The following HDAC4 variants were observed in gnomAD, a reference collection of about 807,000 sequenced individuals.
The protein encoded by HDAC4 is histone deacetylase A.
A neutral mutation model predicts 135.1 loss-of-function variants in HDAC4; 16 were observed. The ratio of observed to expected loss-of-function variants is 0.12; its 90% confidence interval spans 0.08 to 0.18. The LOEUF (loss-of-function observed/expected upper bound fraction) is 0.18. Among genes scored for constraint, HDAC4 ranks in the 10% least tolerant of loss-of-function variants. The pLI is 1.00. For missense variants in HDAC4, 1,143 were observed against 1,511.8 expected (o/e 0.76, Z 4.05); for synonymous variants, 685 against 653.4 (o/e 1.05, Z -0.74).
Position 239,292,205 on chromosome 2 carries a change from A to G in HDAC4, c.23-55541T>C, listed in dbSNP as rs6743546. Reference sequence around the variant, plus strand: ...CGGTGTTTTGTCAGTGTGGCTGGGGACTCCCAGCCGGGCAGGTGCTGCAAT... The same window carrying G: ...CGGTGTTTTGTCAGTGTGGCTGGGGGCTCCCAGCCGGGCAGGTGCTGCAAT... On this transcript the variant is annotated intron_variant, in intron 2 of 26. Transcript: ENST00000543185. Among the ~76,000 whole-genome samples, 209 of 152,138 alleles carry G rather than the reference A, an allele frequency of 1.4e-3. 1 individual carries two copies. The highest frequency in any genetic ancestry group is 4.8e-3 in the African/African-American group (198 of 41,512).
At chr2:239,160,980 A>C (rs2042755687) in intron 6 of HDAC4, among the ~76,000 whole-genome samples, 1 of 152,346 alleles carries the variant, frequency 6.6e-6, no homozygotes, top group African/African-American at 2.4e-5. Context: ...CACTCCGGCC[A>C]TCCCCACAGG....
In HDAC4 at chr2:239,366,138, C is replaced by T. The variant is rs559152093; in HGVS notation, c.-219-13220G>A. Among the ~76,000 whole-genome samples the T allele has an allele frequency of 4.3e-5, 6 of 138,976 alleles. No individual in the cohort carries two copies. In the East Asian group the frequency reaches 1.3e-3, roughly 31 times the overall value. The allele number at this position is 138,976 out of a possible 152,430, so 91.2% of individuals were successfully genotyped here. A position where few individuals can be genotyped will look rare whatever the true frequency, so the allele number is the denominator to read the frequency against. On this transcript the variant is annotated intron_variant, in intron 1 of 26. Transcript: ENST00000543185. ...CGTGTGGCACTGGCGGACACAAACA[C>T]GCATGCACAGAGCAGGGTCGTCAGG...
At chr2:239,168,288 C>T (rs541734445) in intron 5 of HDAC4, among the ~76,000 whole-genome samples, 132 of 152,324 alleles carry the variant, frequency 8.7e-4, no homozygotes, top group African/African-American at 3.1e-3. Context: ...TCGCTCCACA[C>T]TGCTCGGGCC....
intron 9 of HDAC4, among the ~76,000 whole-genome samples, chr2:239,137,509 G>A (rs1045068388): frequency 1.5e-4 from 23 of 152,096 alleles, no homozygotes; most frequent in African/African-American, 5.6e-4. Context: ...AGAGGAGGAG[G>A]TGCCCGGCAC....
intron 12 of HDAC4, among the ~76,000 whole-genome samples, chr2:239,118,874 T>C (rs2039379410): frequency 6.6e-6 from 1 of 152,146 alleles, no homozygotes; most frequent in South Asian, 2.1e-4. Flanking sequence ...GATTTTGAGG[T>C]CTGTGATTGC....
At chr2:239,195,443 C>T (rs996612784) in intron 3 of HDAC4, among the ~76,000 whole-genome samples, 3 of 152,302 alleles carry the variant, frequency 2.0e-5, no homozygotes, top group African/African-American at 4.8e-5. Context: ...TCCTGGGAGC[C>T]GGGTGGGTGG....
chr2:239,094,200 C>T, intron 17 of HDAC4: 6 of 985,452 alleles, frequency 6.1e-6, no homozygotes, highest in East Asian at 2.3e-4. Flanking sequence ...CGGATCTGCT[C>T]GGACGCTCCG....
At chr2:239,194,984 G>A (rs1470296876) in intron 3 of HDAC4, among the ~76,000 whole-genome samples, 2 of 152,212 alleles carry the variant, frequency 1.3e-5, no homozygotes, top group Non-Finnish European at 2.9e-5. Context: ...GAAGAGTGCG[G>A]GTCCCCTGAG....
At chr2:239,118,400 C>G (rs566411827) in intron 12 of HDAC4, among the ~76,000 whole-genome samples, 2 of 152,146 alleles carry the variant, frequency 1.3e-5, no homozygotes, top group Non-Finnish European at 2.9e-5. Flanking sequence ...GGCCGGCCAT[C>G]GGCAGTGTGG....
intron 2 of HDAC4, among the ~76,000 whole-genome samples, chr2:239,343,803 C>T (rs140288061): frequency 2.6e-5 from 4 of 152,316 alleles, no homozygotes; most frequent in Non-Finnish European, 4.4e-5. Context: ...GGAAGGTGAC[C>T]GATTCTAGCG....
chr2:239,068,382 G>T lies in HDAC4; in HGVS notation c.2869+107C>A. On this transcript the variant is annotated intron_variant, in intron 23 of 26. Coordinates refer to ENST00000543185, the MANE Select transcript of HDAC4 (RefSeq NM_001378414.1). The surrounding 1 kb of genome is among the most constrained non-coding windows in gnomAD (Gnocchi z 4.4). ...TCAGAACCTTGGTCATTAGTAAAAA[G>T]GTGCCCTTCCTTATCTCGTTATTAA... The T allele has an allele frequency of 2.4e-6, 2 of 819,720 alleles. No homozygotes were observed. The highest frequency in any genetic ancestry group is 2.1e-6 in the Non-Finnish European group (1 of 476,966). 50.8% of individuals were successfully genotyped at this position (819,720 alleles called of 1,614,324 possible). A position where few individuals can be genotyped will look rare whatever the true frequency, so the allele number is the denominator to read the frequency against.
At chr2:239,085,468 G>C (rs115127793) in intron 19 of HDAC4, among the ~76,000 whole-genome samples, 1 of 152,172 alleles carries the variant, frequency 6.6e-6, no homozygotes, top group Non-Finnish European at 1.5e-5. Context: ...CTCCTGCAGC[G>C]GCTCACGGGG....
intron 3 of HDAC4, among the ~76,000 whole-genome samples, chr2:239,192,921 T>C (rs2045097377): frequency 6.6e-6 from 1 of 152,184 alleles, no homozygotes; most frequent in African/African-American, 2.4e-5. Context: ...AAAAACAAAA[T>C]AGCATCAACA....
rs1343067501 is a variant in HDAC4 at position 239,163,865 on chromosome 2, C to T, written c.549G>A (p.Lys183=). Residue 183 remains lysine, a synonymous_variant, in exon 6 of 27, where the codon AAG becomes AAA. Coordinates refer to ENST00000543185, the MANE Select transcript of HDAC4 (RefSeq NM_001378414.1). The stretch of plus-strand genomic sequence containing the variant: ...TCAGATTCCGGTGGGCCAGCGCCTT[C>T]TTTTTATTGAGGACAAATTCTTGTA... ...MKLQEFVLNK[K]KALAHRNLNH... The T allele has an allele frequency of 3.7e-6, 6 of 1,614,130 alleles. No individual in the cohort carries two copies. The highest frequency in any genetic ancestry group is 5.1e-6 in the Non-Finnish European group (6 of 1,180,004).
intron 5 of HDAC4, among the ~76,000 whole-genome samples, chr2:239,169,496 C>T (rs556497127): frequency 6.6e-6 from 1 of 152,378 alleles, no homozygotes; most frequent in East Asian, 1.9e-4. Context: ...CAGGGTGGGC[C>T]CCGCCCAGCA....
At chr2:239,254,083 T>C (rs1442725249) in intron 2 of HDAC4, among the ~76,000 whole-genome samples, 1 of 152,172 alleles carries the variant, frequency 6.6e-6, no homozygotes, top group Non-Finnish European at 1.5e-5. Flanking sequence ...GGCCTCCAGA[T>C]TCATATTCTT....
At chr2:239,384,032 A>G (rs1313772672) in intron 1 of HDAC4, among the ~76,000 whole-genome samples, 1 of 152,194 alleles carries the variant, frequency 6.6e-6, no homozygotes, top group African/African-American at 2.4e-5. Context: ...TCTCGCCTCT[A>G]ATGGGAAGCC....
chr2:239,271,688 G>C (rs1003453387), intron 2 of HDAC4, among the ~76,000 whole-genome samples: 2 of 152,218 alleles, frequency 1.3e-5, no homozygotes, highest in Non-Finnish European at 2.9e-5. Flanking sequence ...TGCTGAGTGA[G>C]AGTCCAGTTC....
chr2:239,327,175 T>C (rs562150073), intron 2 of HDAC4, among the ~76,000 whole-genome samples: 1 of 152,382 alleles, frequency 6.6e-6, no homozygotes, highest in East Asian at 1.9e-4. Context: ...CTGGCTCTGC[T>C]GGCAGCTGGG....
Sources: gnomAD v4.1 joint callset for allele counts (sites outside exome capture counted in the v4.1 genomes callset) on GRCh38, gnomAD v4.1.1 for gene constraint, Gnocchi (gnomAD v3.1) non-coding constraint, MANE v1.5 for transcripts, NCBI Gene and HGNC (gene_info 2026-07-23, HGNC 2026-07-21) for gene names.